Variants in GALNT14 observed in about 807,000 individuals in gnomAD.
GALNT14 encodes polypeptide N-acetylgalactosaminyltransferase 14, also known as UDP-GalNAc:polypeptide N-acetylgalactosaminyltransferase 14.
GALNT14 carries 60 observed loss-of-function variants against 77.5 expected under a neutral mutation model. That is an observed-to-expected ratio of 0.77 (90% CI 0.63 to 0.96). GALNT14 has a LOEUF of 0.96. Among genes scored for constraint, GALNT14 ranks in the 40% least tolerant of loss-of-function variants. The pLI, the probability that GALNT14 is intolerant of heterozygous loss-of-function variation, is 0.00. For synonymous variants in GALNT14, 280 were observed against 281.7 expected, an observed-to-expected ratio of 0.99 and a Z score of 0.06; for missense variants, 710 against 731.0, an observed-to-expected ratio of 0.97 and a Z score of 0.33.
At chr2:31,062,072 T>C (rs1390605400) in intron 1 of GALNT14, among the ~76,000 whole-genome samples, 1 of 152,234 alleles carries the variant, frequency 6.6e-6, no homozygotes, top group African/African-American at 2.4e-5. Context: ...TTACTTTAAG[T>C]TCTGGGATAC....
intron 4 of GALNT14, among the ~76,000 whole-genome samples, chr2:30,957,401 A>G (rs1667431749): frequency 6.6e-6 from 1 of 152,056 alleles, no homozygotes; most frequent in Admixed American, 6.5e-5. Context: ...AACCACTGCT[A>G]TTCTGCTTGC....
intron 1 of GALNT14, among the ~76,000 whole-genome samples, chr2:31,024,426 A>G (rs1671917923): frequency 6.6e-6 from 1 of 151,644 alleles, no homozygotes; most frequent in African/African-American, 2.4e-5. Context: ...GTCCCCTCCT[A>G]CTGCTCTCCC....
intron 1 of GALNT14, among the ~76,000 whole-genome samples, chr2:31,106,896 C>T (rs1573358646): frequency 1.3e-5 from 2 of 151,978 alleles, no homozygotes; most frequent in Admixed American, 1.3e-4. Context: ...GAAGGAGGGC[C>T]CAGGGTAGAC....
intron 6 of GALNT14, among the ~76,000 whole-genome samples, chr2:30,954,755 T>G (rs1198800662): frequency 6.6e-6 from 1 of 152,238 alleles, no homozygotes; most frequent in Non-Finnish European, 1.5e-5. Flanking sequence ...ACAGGGAAGA[T>G]GCTGTTGAGG....
At chr2:30,978,082 C>T (rs74888758) in intron 2 of GALNT14, among the ~76,000 whole-genome samples, 3,222 of 152,296 alleles carry the variant, frequency 0.021, 143 homozygotes, top group East Asian at 0.21. Context: ...CCTCCACCCT[C>T]GTGTTAGCTC....
intron 1 of GALNT14, among the ~76,000 whole-genome samples, chr2:31,057,176 C>T (rs113938720): frequency 5.9e-4 from 90 of 151,430 alleles, no homozygotes; most frequent in African/African-American, 1.9e-3. Flanking sequence ...ACTAACTATT[C>T]GGTACTATGC....
chr2:31,051,193 C>A (rs72854807), intron 1 of GALNT14, among the ~76,000 whole-genome samples: 9 of 152,214 alleles, frequency 5.9e-5, no homozygotes, highest in East Asian at 1.9e-4. Context: ...ACAGGCCCAG[C>A]GGATCAAGAT....
chr2:31,111,753 T>C (rs1232833150), intron 1 of GALNT14, among the ~76,000 whole-genome samples: 1 of 143,802 alleles, frequency 7.0e-6, no homozygotes, highest in Admixed American at 6.8e-5. Flanking sequence ...GCTTAAAACA[T>C]TTTTTTTTTC....
chr2:31,002,548 T>G (rs1479247320), intron 1 of GALNT14, among the ~76,000 whole-genome samples: 1 of 152,184 alleles, frequency 6.6e-6, no homozygotes, highest in African/African-American at 2.4e-5. Context: ...TTCCCCACTG[T>G]CAGCTAGTCA....
At chr2:31,125,354 C>T (rs1678655017) in intron 1 of GALNT14, 2 of 858,306 alleles carry the variant, frequency 2.3e-6, no homozygotes, top group Non-Finnish European at 3.8e-6. Context: ...AGACTCTGTG[C>T]CCATAGGAAA....
chr2:30,891,295 C>T, the GALNT14 span, among the ~76,000 whole-genome samples: 13 of 152,148 alleles, frequency 8.5e-5, no homozygotes, highest in Non-Finnish European at 1.5e-4. Context: ...ACGGGCTTTC[C>T]TGCTGTGTGA....
intron 1 of GALNT14, among the ~76,000 whole-genome samples, chr2:31,089,540 T>A (rs964029527): frequency 1.4e-4 from 21 of 152,178 alleles, no homozygotes; most frequent in South Asian, 6.2e-4. Flanking sequence ...GGATTTATTT[T>A]TTTTTCTCAC....
At chr2:31,018,097 G>A (rs1367527133) in intron 1 of GALNT14, among the ~76,000 whole-genome samples, 1 of 152,220 alleles carries the variant, frequency 6.6e-6, no homozygotes, top group Admixed American at 6.5e-5. Context: ...GGGGCCTGAT[G>A]ATGTGTAAGC....
At chr2:30,981,221 A>G (rs966341288) in intron 2 of GALNT14, among the ~76,000 whole-genome samples, 4 of 152,248 alleles carry the variant, frequency 2.6e-5, no homozygotes, top group African/African-American at 7.2e-5. Context: ...TTATATCATA[A>G]GAGCCAGTGG....
intron 2 of GALNT14, among the ~76,000 whole-genome samples, chr2:30,989,585 A>AAAAAAT (rs1558471191): frequency 1.1e-5 from 1 of 87,948 alleles, no homozygotes; most frequent in African/African-American, 5.2e-5. Context: ...TATATATAAA[A>AAAAAAT]ATATATATAT....
At chr2:31,031,156 G>A (rs1363004891) in intron 1 of GALNT14, among the ~76,000 whole-genome samples, 1 of 152,076 alleles carries the variant, frequency 6.6e-6, no homozygotes, top group East Asian at 1.9e-4. Context: ...TCTCAAAATG[G>A]TAGACTTATC....
intron 1 of GALNT14, among the ~76,000 whole-genome samples, chr2:31,049,345 C>T (rs1480613707): frequency 6.6e-6 from 1 of 152,200 alleles, no homozygotes; most frequent in African/African-American, 2.4e-5. Context: ...AGACCCGAGG[C>T]TCCTCAGCCA....
intron 1 of GALNT14, among the ~76,000 whole-genome samples, chr2:31,057,426 T>C (rs142727887): frequency 0.021 from 3,080 of 144,782 alleles, 101 homozygotes; most frequent in African/African-American, 0.072. Context: ...TATATATATA[T>C]ACACACACAC....
chr2:30,935,276 C>G (rs1279447864), intron 9 of GALNT14, among the ~76,000 whole-genome samples: 1 of 152,186 alleles, frequency 6.6e-6, no homozygotes, highest in African/African-American at 2.4e-5. Context: ...CCCCTGACAC[C>G]ACCCTGCCTC....
Sources: allele counts gnomAD v4.1 joint callset (sites outside exome capture counted in the v4.1 genomes callset), GRCh38; gene constraint gnomAD v4.1.1; transcripts MANE v1.5; gene names NCBI Gene and HGNC (gene_info 2026-07-23, HGNC 2026-07-21).